The following UBE2G1 variants were observed in gnomAD, a reference collection of about 807,000 sequenced individuals.
The protein encoded by UBE2G1 is ubiquitin conjugating enzyme E2 G1, also known as ubiquitin-conjugating enzyme E2 G1.
A neutral mutation model predicts 22.7 loss-of-function variants in UBE2G1; 5 were observed. The observed-to-expected ratio is 0.22, with a 90% CI of 0.12 to 0.46. UBE2G1 has a LOEUF of 0.46. Ranked by LOEUF, UBE2G1 falls within the 20% of genes least tolerant of loss-of-function variation. The pLI, the probability that UBE2G1 is intolerant of heterozygous loss-of-function variation, is 0.99. For missense variants in UBE2G1, 88 were observed against 203.9 expected, an observed-to-expected ratio of 0.43 and a Z score of 3.46; for synonymous variants, 74 against 67.5, an observed-to-expected ratio of 1.10 and a Z score of -0.47.
rs1335833514 is a variant in UBE2G1 at position 4,303,279 on chromosome 17, A to G, written c.149+3742T>C. On this transcript the variant is annotated intron_variant, in intron 2 of 5. Coordinates refer to ENST00000396981, the MANE Select transcript of UBE2G1 (RefSeq NM_003342.5). ...ATCTCTTAGGGACACAAATTATAGTACAAACAGTCTGTACAGTTTTTCATA... is the reference window on the plus strand; with the variant it reads ...ATCTCTTAGGGACACAAATTATAGTGCAAACAGTCTGTACAGTTTTTCATA... 5.3e-5 allele frequency among the ~76,000 whole-genome samples: 8 copies of G among 152,358 alleles called. No homozygotes were observed. The East Asian group carries it at 1.5e-3, about 29-fold the overall frequency.
rs1051532032 is a variant in UBE2G1, at chr17:4,366,537, G to A, written c.-221C>T. 6 of 424,106 alleles carry A rather than the reference G, an allele frequency of 1.4e-5. No homozygotes were observed. Among genetic ancestry groups the A allele is most frequent in the Middle Eastern group, 6.0e-4 (1 of 1,654 alleles). The allele number at this position is 424,106 out of a possible 1,614,324, so 26.3% of individuals were successfully genotyped here. A position where few individuals can be genotyped will look rare whatever the true frequency, so the allele number is the denominator to read the frequency against. On this transcript the variant is annotated 5_prime_UTR_variant, in exon 1 of 6. Coordinates refer to ENST00000396981, the MANE Select transcript of UBE2G1 (RefSeq NM_003342.5). ...AGCGACTCACGCCCGGAAGGGGAGG[G>A]TGCCCGGGCTGCCGCGGCGCGCACT...
At position 4,366,342 on chromosome 17, in the gene UBE2G1, C is replaced by G. The variant is rs751941211; in HGVS notation, c.-26G>C. ...CCTCCCTGCCGAGGGCCCGGGCTGGCGCCGGGGCTTCCGAAGGGCTGGGGA... is the reference window on the plus strand; with the variant it reads ...CCTCCCTGCCGAGGGCCCGGGCTGGGGCCGGGGCTTCCGAAGGGCTGGGGA... On this transcript the variant is annotated 5_prime_UTR_variant, in exon 1 of 6. Coordinates refer to ENST00000396981, the MANE Select transcript of UBE2G1 (RefSeq NM_003342.5). The G allele has an allele frequency of 1.3e-6, 2 of 1,526,874 alleles. No individual in the cohort carries two copies. Among genetic ancestry groups the G allele is most frequent in the Non-Finnish European group, 1.7e-6 (2 of 1,146,476 alleles). The allele number at this position is 1,526,874 out of a possible 1,614,324, so 94.6% of individuals were successfully genotyped here.
intron 3 of UBE2G1, among the ~76,000 whole-genome samples, chr17:4,293,929 A>G (rs1969072910): frequency 6.6e-6 from 1 of 152,180 alleles, no homozygotes; most frequent in African/African-American, 2.4e-5. Context: ...TATCTCTCTG[A>G]CTTCCCCTTC....
At chr17:4,298,324 AGAAAG>A (rs1356708078) in intron 2 of UBE2G1, among the ~76,000 whole-genome samples, 1 of 152,150 alleles carries the variant, frequency 6.6e-6, no homozygotes, top group African/African-American at 2.4e-5. Context: ...AAAAAAGAAA[AGAAAG>A]GAAAGAACAA....
At position 4,345,797 on chromosome 17, in the gene UBE2G1, A is replaced by G. The variant is rs150846733; in HGVS notation, c.46+20474T>C. On this transcript the variant is annotated intron_variant, in intron 1 of 5. Coordinates refer to ENST00000396981, the MANE Select transcript of UBE2G1 (RefSeq NM_003342.5). Reference sequence around the variant, plus strand: ...GTTGATCTTCAGAGCATGAAATCAGAGACAGCTTTAGTATGTAGATCCCCA... The same window carrying G: ...GTTGATCTTCAGAGCATGAAATCAGGGACAGCTTTAGTATGTAGATCCCCA... The G allele has an allele frequency of 2.0e-5, 3 of 152,328 alleles. No homozygotes were observed. In the East Asian group the frequency reaches 5.8e-4, roughly 29 times the overall value. 9.4% of individuals were successfully genotyped at this position (152,328 alleles called of 1,614,324 possible).
At chr17:4,355,817 C>T (rs1165350819) in intron 1 of UBE2G1, among the ~76,000 whole-genome samples, 1 of 145,608 alleles carries the variant, frequency 6.9e-6, no homozygotes. Flanking sequence ...TCTCCCGCCT[C>T]AGCCTCCTGA....
intron 1 of UBE2G1, among the ~76,000 whole-genome samples, chr17:4,333,605 G>C (rs919588645): frequency 6.6e-6 from 1 of 151,852 alleles, no homozygotes; most frequent in Non-Finnish European, 1.5e-5. Flanking sequence ...GTGGATCACA[G>C]GGTCAGGAGA....
chr17:4,354,044 T>C (rs1283142425), intron 1 of UBE2G1, among the ~76,000 whole-genome samples: 1 of 152,092 alleles, frequency 6.6e-6, no homozygotes. Context: ...TTCCCACTAG[T>C]TCAGTTTATC....
At chr17:4,361,237 G>A (rs1165527568) in intron 1 of UBE2G1, among the ~76,000 whole-genome samples, 4 of 147,112 alleles carry the variant, frequency 2.7e-5, no homozygotes, top group Admixed American at 2.0e-4. Flanking sequence ...AAAAAAAAAT[G>A]CAATAGAGGC....
intron 1 of UBE2G1, among the ~76,000 whole-genome samples, chr17:4,343,086 A>C: frequency 6.6e-6 from 1 of 152,158 alleles, no homozygotes; most frequent in East Asian, 1.9e-4. Context: ...CTGTCTTCCC[A>C]CAATAACTGC....
At chr17:4,301,390 T>G in intron 2 of UBE2G1, 1 of 592,368 alleles carries the variant, frequency 1.7e-6, no homozygotes, top group Non-Finnish European at 3.2e-6. Context: ...CTGGCCCTTC[T>G]GTGGCCTCCA....
At chr17:4,286,170 C>T (rs1478742366) in intron 4 of UBE2G1, among the ~76,000 whole-genome samples, 2 of 152,056 alleles carry the variant, frequency 1.3e-5, no homozygotes, top group African/African-American at 2.4e-5. Flanking sequence ...TTTGGGAAGC[C>T]GAGGTGAGTG....
intron 1 of UBE2G1, among the ~76,000 whole-genome samples, chr17:4,365,547 G>A (rs1299992748): frequency 2.0e-5 from 3 of 152,092 alleles, no homozygotes. Flanking sequence ...CGCAGCAGCC[G>A]GAATCGCGGC....
intron 1 of UBE2G1, among the ~76,000 whole-genome samples, chr17:4,340,054 C>A (rs969154859): frequency 5.9e-5 from 9 of 152,132 alleles, no homozygotes; most frequent in African/African-American, 2.2e-4. Context: ...ACCTCAGCTT[C>A]CTGATTAGCT....
intron 1 of UBE2G1, among the ~76,000 whole-genome samples, chr17:4,347,429 GTC>G (rs2143809417): frequency 7.1e-6 from 1 of 140,426 alleles, no homozygotes. Flanking sequence ...CTCACTTGAT[GTC>G]TCTGTGTCAT....
intron 1 of UBE2G1, among the ~76,000 whole-genome samples, chr17:4,343,942 T>G (rs1024802839): frequency 3.0e-4 from 45 of 152,228 alleles, no homozygotes; most frequent in African/African-American, 1.1e-3. Context: ...TTCTCCTCAG[T>G]TGCAACAGAT....
chr17:4,366,598 C>G lies in UBE2G1; in HGVS notation c.-282G>C. 2 of 341,532 alleles carry G rather than the reference C, an allele frequency of 5.9e-6. No homozygotes were observed. Among genetic ancestry groups the G allele is most frequent in the East Asian group, 9.5e-5 (2 of 21,090 alleles). 21.2% of individuals were successfully genotyped at this position (341,532 alleles called of 1,614,324 possible). ...TCGCCCGCTTCCCTCCTTCAACCCG[C>G]CCGTCGGCCCCACCGGTGCCTTCCC... is the stretch of plus-strand genomic sequence containing the variant. On this transcript the variant is annotated 5_prime_UTR_variant, in exon 1 of 6. Coordinates refer to ENST00000396981, the MANE Select transcript of UBE2G1 (RefSeq NM_003342.5).
intron 1 of UBE2G1, among the ~76,000 whole-genome samples, chr17:4,358,685 C>T (rs1969934295): frequency 6.6e-6 from 1 of 152,230 alleles, no homozygotes; most frequent in African/African-American, 2.4e-5. Flanking sequence ...GGGCGCGTGG[C>T]TCACGCCTGT....
chr17:4,353,030 AAC>A (rs1167730000), intron 1 of UBE2G1, among the ~76,000 whole-genome samples: 2 of 152,150 alleles, frequency 1.3e-5, no homozygotes, highest in African/African-American at 4.8e-5. Flanking sequence ...CATCCTGGCC[AAC>A]ACAGTGAAAC....
Sources: gnomAD v4.1 joint callset for allele counts (sites outside exome capture counted in the v4.1 genomes callset) on GRCh38, gnomAD v4.1.1 for gene constraint, MANE v1.5 for transcripts, NCBI Gene and HGNC (gene_info 2026-07-23, HGNC 2026-07-21) for gene names.